Variants in LURAP1L observed in about 807,000 individuals in gnomAD.
The protein encoded by LURAP1L is leucine rich adaptor protein 1-like.
A neutral mutation model predicts 13.8 loss-of-function variants in LURAP1L; 12 were observed. That is an observed-to-expected ratio of 0.87 (90% CI 0.56 to 1.41). LURAP1L has a LOEUF of 1.41. Ranked by LOEUF, LURAP1L falls within the 40% of genes most tolerant of loss-of-function variation. LURAP1L has a pLI of 0.00. For synonymous variants in LURAP1L, 139 were observed against 119.2 expected (o/e 1.17, Z -1.08); for missense variants, 375 against 292.9 (o/e 1.28, Z -2.04).
Position 12,775,392 on chromosome 9 carries a change from C to T in LURAP1L, c.-324C>T, listed in dbSNP as rs1207903239. 1 of 307,980 alleles carries T rather than the reference C, an allele frequency of 3.2e-6. No individual in the cohort carries two copies. Among genetic ancestry groups the T allele is most frequent in the Non-Finnish European group, 5.9e-6 (1 of 170,730 alleles). The allele number at this position is 307,980 out of a possible 1,614,324, so 19.1% of individuals were successfully genotyped here. On this transcript the variant is annotated 5_prime_UTR_variant, in exon 1 of 2. Coordinates refer to ENST00000319264, the MANE Select transcript of LURAP1L (RefSeq NM_203403.2). ...CTCTTTTCTTTCACTACTTCCCCCT[C>T]TTTATTCCCCCTCTGTCTGCAATAT...
chr9:12,776,209 T>C (rs1442138288), intron 1 of LURAP1L, among the ~76,000 whole-genome samples, 182 bp downstream of exon 1: 1 of 152,078 alleles, frequency 6.6e-6, no homozygotes, highest in African/African-American at 2.4e-5. Context: ...GCTGCGAGGC[T>C]TGTTTACCGC....
At chr9:12,792,981 G>C (rs1258029798) in intron 1 of LURAP1L, among the ~76,000 whole-genome samples, 2 of 152,016 alleles carry the variant, frequency 1.3e-5, no homozygotes, top group Non-Finnish European at 2.9e-5. Context: ...GAATAACTAA[G>C]AGATTTATGG....
intron 1 of LURAP1L, among the ~76,000 whole-genome samples, chr9:12,787,575 T>C (rs954695818): frequency 3.9e-5 from 6 of 152,140 alleles, no homozygotes; most frequent in Admixed American, 3.9e-4. Context: ...TCTACTCTCA[T>C]CCTAGCCAGT....
intron 1 of LURAP1L, among the ~76,000 whole-genome samples, chr9:12,790,326 C>A (rs373218361): frequency 4.6e-5 from 7 of 152,228 alleles, no homozygotes; most frequent in African/African-American, 1.7e-4. Flanking sequence ...GCTTATATGT[C>A]CTTAATGCCT....
intron 1 of LURAP1L, among the ~76,000 whole-genome samples, chr9:12,807,928 C>G (rs1181456681): frequency 1.3e-5 from 2 of 152,022 alleles, no homozygotes; most frequent in African/African-American, 2.4e-5. Context: ...TACAACCAAT[C>G]TAAGTGCACT....
intron 1 of LURAP1L, among the ~76,000 whole-genome samples, chr9:12,778,898 A>G (rs1200836176): frequency 3.3e-5 from 5 of 152,158 alleles, no homozygotes; most frequent in African/African-American, 1.2e-4. Context: ...ATGTTCCAAG[A>G]CCTCCAATGG....
At chr9:12,820,524 A>C (rs1345645607) in intron 1 of LURAP1L, among the ~76,000 whole-genome samples, 13 of 137,628 alleles carry the variant, frequency 9.4e-5, no homozygotes, top group Non-Finnish European at 1.6e-4. Flanking sequence ...CAAAAAAAAA[A>C]AAGGACCACA....
chr9:12,807,748 T>C (rs1819679649), intron 1 of LURAP1L, among the ~76,000 whole-genome samples: 1 of 149,912 alleles, frequency 6.7e-6, no homozygotes, highest in Non-Finnish European at 1.5e-5. Flanking sequence ...TGTTTGCTCA[T>C]TCATTCTTAC....
chr9:12,777,944 T>A (rs1035039191), intron 1 of LURAP1L, among the ~76,000 whole-genome samples: 4 of 152,218 alleles, frequency 2.6e-5, no homozygotes, highest in African/African-American at 9.6e-5. Flanking sequence ...GTAATTGCTG[T>A]TTTGCCATTG....
Position 12,821,805 on chromosome 9 carries a change from A to G in LURAP1L, c.*45A>G. ...ACTGGTGTGCAATGAACTTGTATTTATCCTTCTTCTCCGCTGCTATATTTT... is the reference window on the plus strand; with the variant it reads ...ACTGGTGTGCAATGAACTTGTATTTGTCCTTCTTCTCCGCTGCTATATTTT... On this transcript the variant is annotated 3_prime_UTR_variant, in exon 2 of 2. Coordinates refer to ENST00000319264, the MANE Select transcript of LURAP1L (RefSeq NM_203403.2). 6.4e-7 allele frequency: 1 copy of G among 1,556,228 alleles called. No individual in the cohort carries two copies. The highest frequency in any genetic ancestry group is 8.7e-7 in the Non-Finnish European group (1 of 1,149,706).
At chr9:12,807,703 GATC>G (rs777041301) in intron 1 of LURAP1L, among the ~76,000 whole-genome samples, 5 of 152,092 alleles carry the variant, frequency 3.3e-5, no homozygotes, top group Non-Finnish European at 7.4e-5. Context: ...GATTAATAGC[GATC>G]ATATTTGTAC....
chr9:12,775,823 G>A lies in LURAP1L; in HGVS notation c.108G>A (p.Arg36=), dbSNP rs1819165648. ...TCCGTGGGGAGGAGCCGGTTCCCAGGGAAAGGGACAGGGACCCCTGCGGGG... is the reference window on the plus strand; with the variant it reads ...TCCGTGGGGAGGAGCCGGTTCCCAGAGAAAGGGACAGGGACCCCTGCGGGG... ...RSLRGEEPVP[R]ERDRDPCGGS... is the part of the protein sequence containing the mutation. Residue 36 remains arginine, a synonymous_variant, in exon 1 of 2, where the codon AGG becomes AGA. Coordinates refer to ENST00000319264, the MANE Select transcript of LURAP1L (RefSeq NM_203403.2). 4 of 1,605,492 alleles carry A rather than the reference G, an allele frequency of 2.5e-6. No individual in the cohort carries two copies. The highest frequency in any genetic ancestry group is 2.2e-5 in the East Asian group (1 of 44,688).
chr9:12,815,738 G>C (rs975764618), intron 1 of LURAP1L, among the ~76,000 whole-genome samples: 1 of 152,134 alleles, frequency 6.6e-6, no homozygotes, highest in Non-Finnish European at 1.5e-5. Flanking sequence ...GCTATCCAAG[G>C]CTCCAGAAAG....
At chr9:12,788,030 T>C (rs539480974) in intron 1 of LURAP1L, among the ~76,000 whole-genome samples, 1 of 151,814 alleles carries the variant, frequency 6.6e-6, no homozygotes, top group South Asian at 2.1e-4. Context: ...GAGAATTGCA[T>C]GAACCCAGGA....
At chr9:12,790,433 C>A (rs115574627) in intron 1 of LURAP1L, among the ~76,000 whole-genome samples, 5 of 152,082 alleles carry the variant, frequency 3.3e-5, no homozygotes, top group Non-Finnish European at 7.4e-5. Flanking sequence ...ACACTAGCAA[C>A]ATTTGCTTTT....
At chr9:12,777,445 T>A in intron 1 of LURAP1L, 1 of 985,350 alleles carries the variant, frequency 1.0e-6, no homozygotes, top group Non-Finnish European at 1.2e-6. Flanking sequence ...ACTCTGCAAA[T>A]TAAGGACTTA....
chr9:12,789,365 G>C (rs1240234330), intron 1 of LURAP1L, among the ~76,000 whole-genome samples: 1 of 152,140 alleles, frequency 6.6e-6, no homozygotes, highest in East Asian at 1.9e-4. Flanking sequence ...GAAAAGATGA[G>C]ACCAGAATTT....
intron 1 of LURAP1L, among the ~76,000 whole-genome samples, chr9:12,779,685 G>C (rs1288929633): frequency 6.6e-6 from 1 of 152,176 alleles, no homozygotes; most frequent in East Asian, 1.9e-4. Context: ...GATGAGGTCA[G>C]AATCTGAGAT....
At chr9:12,778,357 T>C (rs139274597) in intron 1 of LURAP1L, among the ~76,000 whole-genome samples, 47 of 152,316 alleles carry the variant, frequency 3.1e-4, no homozygotes, top group African/African-American at 9.6e-4. Context: ...GAACAAGTTA[T>C]AGAACCACTT....
Sources: allele counts gnomAD v4.1 joint callset (sites outside exome capture counted in the v4.1 genomes callset), GRCh38; gene constraint gnomAD v4.1.1; transcripts MANE v1.5; gene names NCBI Gene and HGNC (gene_info 2026-07-23, HGNC 2026-07-21).